MREG: variants seen among roughly 807,000 people sequenced by gnomAD.
MREG encodes the protein dilute suppressor protein homolog.
A neutral mutation model predicts 28.5 loss-of-function variants in MREG; 31 were observed. The ratio of observed to expected loss-of-function variants is 1.09; its 90% CI spans 0.82 to 1.47. The LOEUF is 1.47. MREG is among the 40% of genes most tolerant of loss of function. The probability of loss-of-function intolerance (pLI) is 0.00; values close to 1 mark genes in which losing one functional copy is unlikely to be tolerated. For synonymous variants in MREG, 106 were observed against 95.2 expected (o/e 1.11, Z -0.66); for missense variants, 256 against 257.4 (o/e 0.99, Z 0.04).
chr2:215,958,410 T>C (rs1692689868), intron 2 of MREG, among the ~76,000 whole-genome samples: 1 of 152,208 alleles, frequency 6.6e-6, no homozygotes, highest in African/African-American at 2.4e-5. Flanking sequence ...GTTAATTAGC[T>C]GCACATTTTA....
intron 2 of MREG, among the ~76,000 whole-genome samples, chr2:215,970,646 CCT>C (rs1297216742): frequency 6.6e-6 from 1 of 152,156 alleles, no homozygotes; most frequent in Non-Finnish European, 1.5e-5. Flanking sequence ...GAGCTTCACC[CCT>C]GACTAGCAAG....
At chr2:215,993,159 A>G (rs1693766915) in intron 2 of MREG, among the ~76,000 whole-genome samples, 1 of 152,190 alleles carries the variant, frequency 6.6e-6, no homozygotes, top group African/African-American at 2.4e-5. Flanking sequence ...ATGCTACCTG[A>G]CTTCAAACTA....
At chr2:215,970,824 GC>G (rs1368538357) in intron 2 of MREG, among the ~76,000 whole-genome samples, 1 of 152,210 alleles carries the variant, frequency 6.6e-6, no homozygotes, top group Non-Finnish European at 1.5e-5. Flanking sequence ...AGCTTCAGCT[GC>G]TACAGTGGGT....
At chr2:216,004,523 G>A (rs565644504) in intron 1 of MREG, among the ~76,000 whole-genome samples, 3 of 147,180 alleles carry the variant, frequency 2.0e-5, no homozygotes, top group East Asian at 2.0e-4. Flanking sequence ...CAGCCTAAAC[G>A]ACAGAGTTAG....
upstream of MREG, among the ~76,000 whole-genome samples, chr2:216,015,117 A>G (rs1298817821): frequency 1.7e-5 from 1 of 57,214 alleles, no homozygotes; most frequent in Non-Finnish European, 3.0e-5. Context: ...GTGTGTGTGC[A>G]CGCGTGTGTG....
intron 1 of MREG, among the ~76,000 whole-genome samples, chr2:216,000,737 CTG>C (rs1469165572): frequency 6.6e-6 from 1 of 152,226 alleles, no homozygotes; most frequent in South Asian, 2.1e-4. Flanking sequence ...ACGCAACAAA[CTG>C]TGCTGTGATC....
chr2:215,996,537 C>T lies in MREG; in HGVS notation c.96-72G>A, dbSNP rs534074131. On this transcript the variant is annotated intron_variant, in intron 1 of 4. Transcript: ENST00000263268. ...AATGTTATATGTCATATGCATGCAA[C>T]ATACAATATCAATTAAAACTTATAC... 94 of 1,081,326 alleles carry T rather than the reference C, an allele frequency of 8.7e-5. No individual in the cohort carries two copies. In the East Asian group the frequency reaches 1.8e-3, roughly 21 times the overall value. The allele number at this position is 1,081,326 out of a possible 1,614,324, so 67.0% of individuals were successfully genotyped here. A position where few individuals can be genotyped will look rare whatever the true frequency, so the allele number is the denominator to read the frequency against.
intron 1 of MREG, among the ~76,000 whole-genome samples, chr2:215,998,471 C>G (rs985536585): frequency 1.3e-5 from 2 of 152,096 alleles, no homozygotes; most frequent in African/African-American, 4.8e-5. Flanking sequence ...GAATATTGAA[C>G]AGTGCTCCTG....
intron 2 of MREG, among the ~76,000 whole-genome samples, chr2:215,975,955 G>A (rs949127433): frequency 2.0e-5 from 3 of 152,140 alleles, no homozygotes; most frequent in Non-Finnish European, 4.4e-5. Flanking sequence ...GCATGGTGGT[G>A]TGCACCTGTA....
At chr2:215,990,434 CA>C (rs1405490424) in intron 2 of MREG, among the ~76,000 whole-genome samples, 2 of 152,130 alleles carry the variant, frequency 1.3e-5, no homozygotes, top group African/African-American at 2.4e-5. Context: ...CCAGCCACTG[CA>C]AAAACATACC....
chr2:215,955,608 C>T (rs1043636874), intron 2 of MREG, among the ~76,000 whole-genome samples: 15 of 152,238 alleles, frequency 9.9e-5, no homozygotes, highest in African/African-American at 3.4e-4. Context: ...AATACGATGA[C>T]TGTTGTCTCT....
In MREG at chr2:215,996,298, G is replaced by A. The variant is rs1693870781; in HGVS notation, c.255+8C>T. ...TCCGCGCACAGCAAGACATCAAAAGGTGCTCACCTCTGAGTCTTTGGCCTG... is the reference window on the plus strand; with the variant it reads ...TCCGCGCACAGCAAGACATCAAAAGATGCTCACCTCTGAGTCTTTGGCCTG... On this transcript the variant is annotated splice_region_variant and intron_variant, in intron 2 of 4. Coordinates refer to ENST00000263268, the MANE Select transcript of MREG (RefSeq NM_018000.3). The A allele has an allele frequency of 6.2e-7, 1 of 1,611,896 alleles. No individual in the cohort carries two copies. Among genetic ancestry groups the A allele is most frequent in the Non-Finnish European group, 8.5e-7 (1 of 1,179,316 alleles).
At chr2:216,027,261 T>C (rs1694610973) in intron 1 of MREG, among the ~76,000 whole-genome samples, 5 of 152,234 alleles carry the variant, frequency 3.3e-5, no homozygotes, top group Admixed American at 3.3e-4. Flanking sequence ...AATATACTTG[T>C]TGGAAGCTAA....
At chr2:216,010,483 G>A (rs1694272131) in intron 1 of MREG, among the ~76,000 whole-genome samples, 2 of 141,692 alleles carry the variant, frequency 1.4e-5, no homozygotes, top group Admixed American at 7.6e-5. Flanking sequence ...TCAACCTCCC[G>A]AGTAGCTGGG....
At chr2:215,960,638 A>T (rs1369793353) in intron 2 of MREG, among the ~76,000 whole-genome samples, 1 of 148,970 alleles carries the variant, frequency 6.7e-6, no homozygotes, top group East Asian at 2.2e-4. Context: ...GATCGAGACC[A>T]TTCTGGCTAA....
chr2:215,963,867 T>C (rs1306467854), intron 2 of MREG, among the ~76,000 whole-genome samples: 1 of 152,224 alleles, frequency 6.6e-6, no homozygotes, highest in Non-Finnish European at 1.5e-5. Context: ...ACAAACATCA[T>C]TGCTTTGAAA....
intron 1 of MREG, among the ~76,000 whole-genome samples, chr2:216,025,243 G>C (rs145488143): frequency 6.6e-6 from 1 of 152,182 alleles, no homozygotes; most frequent in Non-Finnish European, 1.5e-5. Flanking sequence ...ATACCCAGAA[G>C]AGGTTGATTT....
chr2:216,024,981 A>AAAAGGAAAAGG (rs550679628), intron 1 of MREG, among the ~76,000 whole-genome samples: 5 of 151,366 alleles, frequency 3.3e-5, no homozygotes, highest in Non-Finnish European at 7.4e-5. Context: ...AGGAAAAAGG[A>AAAAGGAAAAGG]AAAGGAAAAG....
chr2:215,969,169 G>A (rs1693021789), intron 2 of MREG, among the ~76,000 whole-genome samples: 1 of 152,224 alleles, frequency 6.6e-6, no homozygotes, highest in South Asian at 2.1e-4. Context: ...CTTCTCCAAA[G>A]ATGTCTCGGG....
Sources: allele counts gnomAD v4.1 joint callset (sites outside exome capture counted in the v4.1 genomes callset), GRCh38; gene constraint gnomAD v4.1.1; transcripts MANE v1.5; gene names NCBI Gene and HGNC (gene_info 2026-07-23, HGNC 2026-07-21).